The following TENM2 variants were observed in gnomAD, a reference collection of about 807,000 sequenced individuals.
The protein encoded by TENM2 is teneurin-2.
Under a neutral mutation model 245.2 loss-of-function variants are expected in TENM2, and 52 were observed. That is an observed-to-expected ratio of 0.21 (90% CI 0.17 to 0.27). The LOEUF (loss-of-function observed/expected upper bound fraction) is 0.27, where lower values mean the gene tolerates loss of function less well. Among genes scored for constraint, TENM2 ranks in the 10% least tolerant of loss-of-function variants. TENM2 has a pLI of 1.00. For synonymous variants in TENM2, 1,363 were observed against 1,438.9 expected (o/e 0.95, Z 1.19); for missense variants, 3,046 against 3,666.8 (o/e 0.83, Z 4.37).
intron 26 of TENM2, among the ~76,000 whole-genome samples, chr5:168,245,548 A>G (rs562096476): frequency 2.1e-4 from 32 of 149,880 alleles, no homozygotes; most frequent in Middle Eastern, 3.5e-3. Context: ...TTCATGCTTG[A>G]AAAAGGTCAG....
chr5:167,160,114 C>T, the TENM2 span, among the ~76,000 whole-genome samples: 2 of 152,208 alleles, frequency 1.3e-5, 1 homozygote, highest in Admixed American at 1.3e-4. Context: ...TGACACTTTT[C>T]TACAGCCATG....
At chr5:168,042,400 C>T (rs1393132168) in intron 5 of TENM2, among the ~76,000 whole-genome samples, 1 of 152,156 alleles carries the variant, frequency 6.6e-6, no homozygotes, top group African/African-American at 2.4e-5. Flanking sequence ...GGCTGAGCAG[C>T]TCTCTGGGAA....
intron 18 of TENM2, 74 bp from the exon 21 acceptor site, chr5:168,204,297 TC>T: frequency 1.3e-6 from 2 of 1,489,238 alleles, no homozygotes; most frequent in Middle Eastern, 1.8e-4. Flanking sequence ...TCTCTTCCCC[TC>T]CCTCCCAGTT....
chr5:167,495,223 G>GT (rs199920197), intron 2 of TENM2, among the ~76,000 whole-genome samples: 27 of 125,470 alleles, frequency 2.2e-4, no homozygotes, highest in Admixed American at 1.1e-3. Flanking sequence ...TTCCTTTAAT[G>GT]TTTTTTTTGT....
chr5:167,431,968 T>TATAC (rs1350737745), intron 2 of TENM2, among the ~76,000 whole-genome samples: 1 of 136,960 alleles, frequency 7.3e-6, no homozygotes, highest in African/African-American at 2.7e-5. Context: ...TATGTATATA[T>TATAC]ATATATATAT....
intron 2 of TENM2, among the ~76,000 whole-genome samples, chr5:167,582,980 A>G (rs1202473251): frequency 6.6e-6 from 1 of 152,200 alleles, no homozygotes; most frequent in Non-Finnish European, 1.5e-5. Context: ...TATTTTATAT[A>G]TTAAGCTAAA....
chr5:167,592,052 A>G (rs1288228829), intron 2 of TENM2, among the ~76,000 whole-genome samples: 1 of 152,204 alleles, frequency 6.6e-6, no homozygotes, highest in Non-Finnish European at 1.5e-5. Context: ...ATACACCAAT[A>G]CAGAATGAGG....
intron 2 of TENM2, among the ~76,000 whole-genome samples, chr5:167,843,994 G>T (rs1003090282): frequency 1.3e-5 from 2 of 152,168 alleles, no homozygotes; most frequent in African/African-American, 4.8e-5. Flanking sequence ...CACTGGTGAG[G>T]CATCTCTTTT....
At chr5:168,083,848 G>A (rs2152212583) in intron 7 of TENM2, among the ~76,000 whole-genome samples, 1 of 152,142 alleles carries the variant, frequency 6.6e-6, no homozygotes, top group Non-Finnish European at 1.5e-5. Context: ...CATCTCTCAG[G>A]TAGTGAGCCT....
intron 5 of TENM2, among the ~76,000 whole-genome samples, chr5:168,003,447 A>T (rs1418105651): frequency 6.6e-6 from 1 of 152,166 alleles, no homozygotes; most frequent in Non-Finnish European, 1.5e-5. Context: ...AGAAAAAGGC[A>T]TAAGATGCTG....
chr5:167,427,190 A>G (rs1484708271), intron 2 of TENM2, among the ~76,000 whole-genome samples: 6 of 152,174 alleles, frequency 3.9e-5, no homozygotes, highest in Admixed American at 3.9e-4. Context: ...GCGGTGGCTC[A>G]CGGCTGTAAT....
Position 167,360,404 on chromosome 5 carries a change from G to A in TENM2, c.227-14794G>A, listed in dbSNP as rs978948872. On this transcript the variant is annotated intron_variant, in intron 1 of 28. Coordinates refer to ENST00000518659, the Ensembl canonical transcript of TENM2. ...TAAGCACCAATAATATTGGTCAAAT[G>A]AGTTAATGGATGTACTAGTGAATAA... 1.2e-4 allele frequency among the ~76,000 whole-genome samples: 18 copies of A among 152,160 alleles called. 1 individual carries two copies. Among genetic ancestry groups the A allele is most frequent in the Non-Finnish European group, 2.5e-4 (17 of 68,030 alleles).
the TENM2 span, among the ~76,000 whole-genome samples, chr5:167,276,627 T>C: frequency 6.6e-6 from 1 of 152,006 alleles, no homozygotes; most frequent in Non-Finnish European, 1.5e-5. Flanking sequence ...GTCGCACAGA[T>C]ACTGAAATCC....
chr5:167,522,903 A>G (rs1326953444), intron 2 of TENM2, among the ~76,000 whole-genome samples: 1 of 151,372 alleles, frequency 6.6e-6, no homozygotes. Context: ...GTAATGAATT[A>G]TCGTAAACCA....
chr5:167,728,156 C>T (rs1760157931), intron 2 of TENM2, among the ~76,000 whole-genome samples: 1 of 152,108 alleles, frequency 6.6e-6, no homozygotes, highest in South Asian at 2.1e-4. Context: ...TTTTCCTCCA[C>T]CCCACTTCAT....
chr5:167,669,862 G>GC, intron 2 of TENM2, among the ~76,000 whole-genome samples: 1 of 148,232 alleles, frequency 6.7e-6, no homozygotes, highest in Non-Finnish European at 1.5e-5. Context: ...CACTTTTGAG[G>GC]TTTTTTTTTT....
At chr5:167,223,631 A>G in the TENM2 span, among the ~76,000 whole-genome samples, 25 of 152,220 alleles carry the variant, frequency 1.6e-4, no homozygotes, top group Non-Finnish European at 3.2e-4. Context: ...AACCTTTGCT[A>G]TTACAAATAC....
At position 167,934,274 on chromosome 5, in the gene TENM2, AT is replaced by A. The variant is rs543117538; in HGVS notation, c.713-18312del. Among the ~76,000 whole-genome samples, 77 of 152,358 alleles carry A rather than the reference AT, an allele frequency of 5.1e-4. 1 individual carries two copies. Among genetic ancestry groups the A allele is most frequent in the African/African-American group, 1.8e-3 (74 of 41,592 alleles). On this transcript the variant is annotated intron_variant, in intron 3 of 28. Coordinates refer to ENST00000518659, the Ensembl canonical transcript of TENM2. ...GAATTTCCAGCACCATATCACATTA[AT>A]TGTTTTATCCCTAAACTATCAGAGA...
chr5:167,360,462 C>T (rs942787198), intron 1 of TENM2, among the ~76,000 whole-genome samples: 2 of 152,126 alleles, frequency 1.3e-5, no homozygotes, highest in African/African-American at 2.4e-5. Context: ...GGCCCAGGGT[C>T]GCATTCTTTT....
Sources: gnomAD v4.1 joint callset for allele counts (sites outside exome capture counted in the v4.1 genomes callset) on GRCh38, gnomAD v4.1.1 for gene constraint, MANE v1.5 for transcripts, NCBI Gene and HGNC (gene_info 2026-07-23, HGNC 2026-07-21) for gene names.